Variants in FBN2 observed in about 807,000 individuals in gnomAD.
The protein encoded by FBN2 is fibrillin 2.
FBN2 carries 105 observed loss-of-function variants against 355.6 expected under a neutral mutation model. The observed-to-expected ratio is 0.30, with a 90% confidence interval of 0.25 to 0.35. The LOEUF is 0.35. FBN2 is among the 10% of genes least tolerant of loss of function. FBN2 has a pLI of 1.00. For missense variants in FBN2, 3,280 were observed against 3,758.7 expected, an observed-to-expected ratio of 0.87 and a Z score of 3.33; for synonymous variants, 1,350 against 1,301.2, an observed-to-expected ratio of 1.04 and a Z score of -0.81.
intron 6 of FBN2, among the ~76,000 whole-genome samples, chr5:128,455,759 C>T (rs1754365517): frequency 6.6e-6 from 1 of 151,880 alleles, no homozygotes; most frequent in Non-Finnish European, 1.5e-5. Flanking sequence ...GATACCCAGC[C>T]TAGTAAACTG....
At chr5:128,316,329 A>C (rs1750200642) in intron 36 of FBN2, among the ~76,000 whole-genome samples, 1 of 152,228 alleles carries the variant, frequency 6.6e-6, no homozygotes, top group Non-Finnish European at 1.5e-5. Flanking sequence ...AGCTAGGATG[A>C]TAAAACGTCA....
chr5:128,350,071 A>T (rs1751306597), intron 21 of FBN2, 66 bp from the exon 22 acceptor site: 1 of 1,307,802 alleles, frequency 7.6e-7, no homozygotes. Context: ...TATGCTCAAG[A>T]AGAAGTATAA....
chr5:128,488,507 T>A (rs1392056777), intron 5 of FBN2, among the ~76,000 whole-genome samples: 1 of 152,160 alleles, frequency 6.6e-6, no homozygotes, highest in Admixed American at 6.5e-5. Context: ...TTAATTTTTT[T>A]ATTATTATTG....
At chr5:128,288,789 T>A (rs960102339) in intron 52 of FBN2, among the ~76,000 whole-genome samples, 6 of 152,182 alleles carry the variant, frequency 3.9e-5, no homozygotes, top group Non-Finnish European at 5.9e-5. Context: ...AGATGACAAA[T>A]CCAGAAGAAG....
chr5:128,436,484 ACATAAATGTAT>A (rs1394989634), intron 7 of FBN2, among the ~76,000 whole-genome samples: 2 of 152,168 alleles, frequency 1.3e-5, no homozygotes, highest in Non-Finnish European at 2.9e-5. Context: ...CTGCCTCCCA[ACATAAATGTAT>A]CATAAAAAGC....
chr5:128,521,133 T>C (rs971222923), intron 4 of FBN2, among the ~76,000 whole-genome samples: 1 of 152,098 alleles, frequency 6.6e-6, no homozygotes, highest in Non-Finnish European at 1.5e-5. Flanking sequence ...CCATCAATGA[T>C]AGACTGGATA....
intron 55 of FBN2, among the ~76,000 whole-genome samples, chr5:128,285,528 T>G (rs1749123716): frequency 6.6e-6 from 1 of 151,198 alleles, no homozygotes; most frequent in Non-Finnish European, 1.5e-5. Context: ...GCTCTTGGTC[T>G]TTTCTTTGAA....
chr5:128,284,364 C>T (rs1281695641), intron 55 of FBN2, among the ~76,000 whole-genome samples: 1 of 152,138 alleles, frequency 6.6e-6, no homozygotes, highest in Non-Finnish European at 1.5e-5. Flanking sequence ...TAGTCCATCC[C>T]CAGGGCCCAT....
At chr5:128,371,937 A>G (rs1451876127) in intron 15 of FBN2, among the ~76,000 whole-genome samples, 1 of 152,200 alleles carries the variant, frequency 6.6e-6, no homozygotes, top group Non-Finnish European at 1.5e-5. Flanking sequence ...TGCTAACTTT[A>G]TTTTATTCTT....
At chr5:128,299,812 C>A (rs1005847524) in intron 48 of FBN2, among the ~76,000 whole-genome samples, 1 of 152,116 alleles carries the variant, frequency 6.6e-6, no homozygotes, top group Admixed American at 6.5e-5. Context: ...AGCTGTAGAC[C>A]GGAGCTGTTC....
In FBN2 at chr5:128,350,012, C is replaced by T. The variant is rs1751305126; in HGVS notation, c.2813-7G>A. The stretch of plus-strand genomic sequence containing the variant: ...CCTCTTGGGCAAGCTGTATCTGTAA[C>T]AACAACAGGACAAATTTTACTTCAT... On this transcript the variant is annotated splice_region_variant and splice_polypyrimidine_tract_variant and intron_variant, in intron 21 of 64. Coordinates refer to ENST00000262464, the MANE Select transcript of FBN2 (RefSeq NM_001999.4). 6.2e-7 allele frequency: 1 copy of T among 1,612,272 alleles called. No homozygotes were observed. The highest frequency in any genetic ancestry group is 1.3e-5 in the African/African-American group (1 of 74,900).
chr5:128,289,181 G>A lies in FBN2; in HGVS notation c.6583C>T (p.Arg2195Cys), dbSNP rs886059896. The change falls in exon 52 of 65, where the codon CGC (arginine) becomes TGC (cysteine). Residue 2195 changes from arginine (R) to cysteine (C), a missense_variant. Around this residue, in one of 6 missense-constraint regions of FBN2, gnomAD observed 2,284 missense variants for 2,749.5 expected, o/e 0.83. Transcript: ENST00000262464. ...TTGTAGCCCATTGGACATTCACAGC[G>A]AAAAGATCCGTCGGTGTTGATACAT... ...GQCINTDGSF[R>C]CECPMGYNLD... 2.5e-6 allele frequency: 4 copies of A among 1,613,964 alleles called. No individual in the cohort carries two copies. The highest frequency in any genetic ancestry group is 1.1e-5 in the South Asian group (1 of 91,088).
intron 19 of FBN2, among the ~76,000 whole-genome samples, chr5:128,360,351 T>G (rs2126935341): frequency 6.6e-6 from 1 of 152,202 alleles, no homozygotes; most frequent in African/African-American, 2.4e-5. Context: ...AGAGCTGGCT[T>G]AAAAAGAGGA....
chr5:128,505,035 C>T (rs1250894576), intron 5 of FBN2, among the ~76,000 whole-genome samples: 1 of 152,166 alleles, frequency 6.6e-6, no homozygotes, highest in Non-Finnish European at 1.5e-5. Flanking sequence ...AAGGGGTTTT[C>T]TCCTACACAA....
intron 33 of FBN2, among the ~76,000 whole-genome samples, chr5:128,330,321 A>G (rs982520959): frequency 3.3e-5 from 5 of 152,258 alleles, no homozygotes; most frequent in African/African-American, 9.6e-5. Context: ...TGAGTAAGAT[A>G]AAATGGCGAG....
At chr5:128,507,191 T>G (rs891518276) in intron 5 of FBN2, among the ~76,000 whole-genome samples, 4 of 151,972 alleles carry the variant, frequency 2.6e-5, no homozygotes, top group African/African-American at 9.7e-5. Context: ...CCAGTAAAGC[T>G]TTTTGGGCCA....
chr5:128,332,775 C>T (rs781736330), intron 32 of FBN2, 137 bp downstream of exon 32: 171 of 877,142 alleles, frequency 1.9e-4, no homozygotes, highest in Non-Finnish European at 2.8e-4. Context: ...CACCCTTAGG[C>T]AGGAATTATC....
At chr5:128,415,508 C>T (rs192458567) in intron 7 of FBN2, among the ~76,000 whole-genome samples, 1 of 152,278 alleles carries the variant, frequency 6.6e-6, no homozygotes, top group East Asian at 1.9e-4. Context: ...CCTCCAGTTC[C>T]ACCCACGTTG....
chr5:128,263,498 T>G lies in FBN2; in HGVS notation c.8119A>C (p.Asn2707His), dbSNP rs886039073. 5.0e-6 allele frequency: 8 copies of G among 1,614,072 alleles called. No individual in the cohort carries two copies. Among genetic ancestry groups the G allele is most frequent in the Non-Finnish European group, 6.8e-6 (8 of 1,179,994 alleles). Residue 2707 changes from asparagine (N) to histidine (H), a missense_variant, in exon 63 of 65, where the codon AAT becomes CAT. Physicochemically the swap from Asn to His is moderately conservative, Grantham distance 68 (BLOSUM62 1). Coordinates refer to ENST00000262464, the MANE Select transcript of FBN2 (RefSeq NM_001999.4). ...NECSSSKNPC[N>H]YGCSNTEGGY... is the part of the protein sequence containing the mutation. ...CCCTCCGTGTTAGAGCAGCCGTAAT[T>G]GCAGGGGTTCTTGGAGGACGAGCAC...
Sources: allele counts gnomAD v4.1 joint callset (sites outside exome capture counted in the v4.1 genomes callset), GRCh38; gene constraint gnomAD v4.1.1; regional missense constraint gnomAD v4.1.1; transcripts MANE v1.5; gene names NCBI Gene and HGNC (gene_info 2026-07-23, HGNC 2026-07-21).